The following DPP6 variants were observed in gnomAD, a reference collection of about 807,000 sequenced individuals.
DPP6 encodes A-type potassium channel modulatory protein DPP6.
A neutral mutation model predicts 122.6 loss-of-function variants in DPP6; 69 were observed. That is an observed-to-expected ratio of 0.56 (90% confidence interval 0.46 to 0.69). The LOEUF is 0.69. Ranked by LOEUF, DPP6 falls within the 30% of genes least tolerant of loss-of-function variation. The probability of loss-of-function intolerance (pLI) is 0.00; values close to 1 mark genes in which losing one functional copy is unlikely to be tolerated. For missense variants in DPP6, 928 were observed against 1,116.9 expected, an observed-to-expected ratio of 0.83 and a Z score of 2.41; for synonymous variants, 418 against 433.1, an observed-to-expected ratio of 0.97 and a Z score of 0.43.
chr7:154,285,249 A>G (rs1293785798), intron 1 of DPP6, among the ~76,000 whole-genome samples: 1 of 152,142 alleles, frequency 6.6e-6, no homozygotes, highest in Non-Finnish European at 1.5e-5. Context: ...TTTATCATAT[A>G]TCATACTAGT....
chr7:153,836,479 C>A, the DPP6 span, among the ~76,000 whole-genome samples: 7 of 152,124 alleles, frequency 4.6e-5, no homozygotes, highest in African/African-American at 1.7e-4. Flanking sequence ...GTTACCTATG[C>A]CTCCATAAAG....
chr7:154,861,256 G>GA (rs2150600161), intron 17 of DPP6, among the ~76,000 whole-genome samples: 1 of 152,162 alleles, frequency 6.6e-6, no homozygotes, highest in South Asian at 2.1e-4. Flanking sequence ...GATAATTTTT[G>GA]AAAAATCATG....
At chr7:154,650,380 A>C (rs1057169224) in intron 6 of DPP6, among the ~76,000 whole-genome samples, 1 of 151,962 alleles carries the variant, frequency 6.6e-6, no homozygotes, top group Admixed American at 6.6e-5. Flanking sequence ...GGAGGGGACT[A>C]TGCATATCCC....
At chr7:154,258,331 A>C (rs1322302718) in intron 1 of DPP6, among the ~76,000 whole-genome samples, 1 of 152,250 alleles carries the variant, frequency 6.6e-6, no homozygotes, top group Admixed American at 6.5e-5. Context: ...ATAACAATTC[A>C]GTTTCTGGCT....
chr7:154,392,725 T>C (rs759792119), intron 1 of DPP6, among the ~76,000 whole-genome samples: 2 of 152,230 alleles, frequency 1.3e-5, no homozygotes, highest in Non-Finnish European at 2.9e-5. Context: ...AATTGATGTC[T>C]TACTGTATTT....
At chr7:154,631,383 G>T (rs1472809110) in intron 5 of DPP6, among the ~76,000 whole-genome samples, 2 of 152,238 alleles carry the variant, frequency 1.3e-5, no homozygotes, top group African/African-American at 4.8e-5. Flanking sequence ...CCACGTGTTT[G>T]GTAGATAAGG....
chr7:153,961,362 C>G (rs766929959), intron 1 of DPP6, among the ~76,000 whole-genome samples: 3 of 150,578 alleles, frequency 2.0e-5, no homozygotes, highest in Non-Finnish European at 4.4e-5. Context: ...TTTTTTTTTA[C>G]CAGGGCCAGT....
chr7:153,901,407 G>C (rs374588498), intron 1 of DPP6, among the ~76,000 whole-genome samples: 6 of 152,178 alleles, frequency 3.9e-5, no homozygotes, highest in African/African-American at 1.2e-4. Context: ...AGTCTTCTGC[G>C]GATAAAGGTC....
At position 154,716,536 on chromosome 7, in the gene DPP6, A is replaced by G. The variant is rs565135373; in HGVS notation, c.763-11231A>G. 2.2e-4 allele frequency among the ~76,000 whole-genome samples: 33 copies of G among 152,288 alleles called. No homozygotes were observed. The South Asian group carries it at 5.8e-3, about 27-fold the overall frequency. On this transcript the variant is annotated intron_variant, in intron 7 of 25. Transcript: ENST00000377770. ...AAGCGTTCCTTCTTCACCCCCAGCT[A>G]TAGTTTACTGCCCCTTTATATTATA... is the stretch of plus-strand genomic sequence containing the variant.
At chr7:154,636,518 T>C (rs1437558322) in intron 5 of DPP6, among the ~76,000 whole-genome samples, 1 of 152,238 alleles carries the variant, frequency 6.6e-6, no homozygotes, top group Admixed American at 6.5e-5. Context: ...TGTTAGTGGC[T>C]GTTTCTTTAT....
At chr7:154,081,999 C>G (rs566385702) in intron 1 of DPP6, among the ~76,000 whole-genome samples, 60 of 152,260 alleles carry the variant, frequency 3.9e-4, no homozygotes, top group Middle Eastern at 6.8e-3. Context: ...AGTGACCTTT[C>G]TCTTCAAAAC....
At chr7:153,755,617 C>T in the DPP6 span, among the ~76,000 whole-genome samples, 2 of 152,136 alleles carry the variant, frequency 1.3e-5, no homozygotes, top group Non-Finnish European at 2.9e-5. Context: ...GATCCATAGA[C>T]CTTCCCCCTT....
chr7:154,076,870 G>C (rs1215647131), intron 1 of DPP6, among the ~76,000 whole-genome samples: 6 of 151,188 alleles, frequency 4.0e-5, no homozygotes, highest in Non-Finnish European at 8.9e-5. Context: ...ACAGCGCTTT[G>C]AAACAGAAAC....
the DPP6 span, among the ~76,000 whole-genome samples, chr7:153,797,726 G>A: frequency 6.6e-6 from 1 of 152,192 alleles, no homozygotes; most frequent in African/African-American, 2.4e-5. Context: ...CAAGATCAAG[G>A]TGCCAGCAGA....
At chr7:154,762,055 CGG>C (rs1298093436) in intron 8 of DPP6, among the ~76,000 whole-genome samples, 8 of 152,260 alleles carry the variant, frequency 5.3e-5, no homozygotes, top group Non-Finnish European at 1.5e-5. Context: ...GAGGACAGCA[CGG>C]AGTAGATGGT....
At chr7:153,918,524 AACACACACACACACACACACACACACAC>A (rs71182852) in intron 1 of DPP6, among the ~76,000 whole-genome samples, 1 of 77,438 alleles carries the variant, frequency 1.3e-5, no homozygotes, top group African/African-American at 5.6e-5. Flanking sequence ...AGGTAATTAA[AACACACACACACACACACACACACACAC>A]ACACACACAC....
chr7:154,689,843 T>C (rs984851348), intron 7 of DPP6, among the ~76,000 whole-genome samples: 8 of 152,362 alleles, frequency 5.3e-5, no homozygotes, highest in Middle Eastern at 3.4e-3. Flanking sequence ...GACTGCTCCA[T>C]GAATTTTCCT....
At chr7:154,228,126 T>G (rs1254642014) in intron 1 of DPP6, among the ~76,000 whole-genome samples, 1 of 152,234 alleles carries the variant, frequency 6.6e-6, no homozygotes, top group African/African-American at 2.4e-5. Flanking sequence ...GATCAATAAT[T>G]CTCAAATTGT....
intron 1 of DPP6, among the ~76,000 whole-genome samples, chr7:154,017,179 T>C (rs1232585460): frequency 6.6e-6 from 1 of 152,176 alleles, no homozygotes; most frequent in East Asian, 1.9e-4. Flanking sequence ...GTGTTCCTCT[T>C]GCCTCAGCCT....
Sources: allele counts gnomAD v4.1 joint callset (sites outside exome capture counted in the v4.1 genomes callset), GRCh38; gene constraint gnomAD v4.1.1; transcripts MANE v1.5; gene names NCBI Gene and HGNC (gene_info 2026-07-23, HGNC 2026-07-21).